Variants in DRC8 observed in about 807,000 individuals in gnomAD.
DRC8 encodes the protein dynein regulatory complex protein 8.
the DRC8 span, among the ~76,000 whole-genome samples, chr1:245,080,199 A>T: frequency 1.3e-5 from 2 of 152,112 alleles, no homozygotes; most frequent in Non-Finnish European, 2.9e-5. Flanking sequence ...CTGAATTGGG[A>T]TCTTTGAGCC....
chr1:245,114,898 G>A, the DRC8 span, among the ~76,000 whole-genome samples: 1 of 151,794 alleles, frequency 6.6e-6, no homozygotes, highest in Non-Finnish European at 1.5e-5. Flanking sequence ...ACTAATTTTT[G>A]TATTTTTAGT....
the DRC8 span, among the ~76,000 whole-genome samples, chr1:245,071,469 A>G: frequency 6.6e-6 from 1 of 152,234 alleles, no homozygotes; most frequent in Non-Finnish European, 1.5e-5. Flanking sequence ...TTGCTATAAC[A>G]TGGCAAGGAA....
the DRC8 span, among the ~76,000 whole-genome samples, chr1:245,072,317 C>T: frequency 2.0e-5 from 3 of 152,092 alleles, no homozygotes; most frequent in Admixed American, 6.5e-5. Context: ...GACAGGGTCT[C>T]ACTCTGTCAC....
At chr1:245,049,049 G>A in the DRC8 span, among the ~76,000 whole-genome samples, 3 of 150,252 alleles carry the variant, frequency 2.0e-5, no homozygotes, top group Non-Finnish European at 4.4e-5. The surrounding 1 kb of genome is among the most constrained non-coding windows in gnomAD (Gnocchi z 4.5). Flanking sequence ...GCAGTAGCTC[G>A]ATCTCGACTC....
chr1:245,083,748 A>G, the DRC8 span: 1 of 1,546,818 alleles, frequency 6.5e-7, no homozygotes, highest in Non-Finnish European at 8.7e-7. Flanking sequence ...ATTTGTTAAC[A>G]GTTATGCGAA....
the DRC8 span, among the ~76,000 whole-genome samples, chr1:245,019,233 A>T: frequency 3.9e-5 from 6 of 152,166 alleles, no homozygotes; most frequent in African/African-American, 1.4e-4. Context: ...GAAAATTGTT[A>T]TTGTTTTTAG....
chr1:245,122,885 A>G, the DRC8 span: 1 of 152,182 alleles, frequency 6.6e-6, no homozygotes, highest in East Asian at 1.9e-4. Flanking sequence ...CCCATGTCCA[A>G]TAGCAGTTCC....
the DRC8 span, among the ~76,000 whole-genome samples, chr1:245,055,938 A>C: frequency 6.6e-6 from 1 of 152,200 alleles, no homozygotes; most frequent in Non-Finnish European, 1.5e-5. Flanking sequence ...TGTGCTGCCC[A>C]GGTGGAGTGC....
chr1:244,969,895 G>A, the DRC8 span: 1 of 455,742 alleles, frequency 2.2e-6, no homozygotes, highest in Non-Finnish European at 3.8e-6. Flanking sequence ...ATGGGAAGCG[G>A]GAGGAGGAGG....
the DRC8 span, chr1:245,017,119 A>G: frequency 3.3e-6 from 3 of 895,580 alleles, no homozygotes; most frequent in South Asian, 4.1e-5. Flanking sequence ...TAAATGATAC[A>G]TAAATATAAG....
the DRC8 span, among the ~76,000 whole-genome samples, chr1:245,009,260 C>T: frequency 6.6e-6 from 1 of 151,778 alleles, no homozygotes; most frequent in African/African-American, 2.4e-5. Context: ...GTCTCGAACT[C>T]CTGACCTTGT....
At chr1:245,049,410 T>G in the DRC8 span, among the ~76,000 whole-genome samples, 1 of 152,200 alleles carries the variant, frequency 6.6e-6, no homozygotes, top group Non-Finnish European at 1.5e-5. The surrounding 1 kb of genome is among the most constrained non-coding windows in gnomAD (Gnocchi z 4.5). Context: ...TTCCTCTGCT[T>G]CTTGCAGGTG....
chr1:245,011,234 A>G, the DRC8 span, among the ~76,000 whole-genome samples: 1 of 152,194 alleles, frequency 6.6e-6, no homozygotes, highest in Admixed American at 6.5e-5. Flanking sequence ...AAATATCACT[A>G]TGTCAGCCAC....
At chr1:244,974,534 T>C in the DRC8 span, among the ~76,000 whole-genome samples, 1 of 152,252 alleles carries the variant, frequency 6.6e-6, no homozygotes, top group African/African-American at 2.4e-5. Context: ...TGTTGTTTTG[T>C]TTCTGATTTC....
chr1:245,001,463 C>T, the DRC8 span, among the ~76,000 whole-genome samples: 1 of 152,164 alleles, frequency 6.6e-6, no homozygotes, highest in Non-Finnish European at 1.5e-5. Flanking sequence ...GTCAGAGTTT[C>T]CAGGGGCAGA....
the DRC8 span, among the ~76,000 whole-genome samples, chr1:245,043,451 A>C: frequency 1.3e-3 from 194 of 152,122 alleles, 6 homozygotes; most frequent in Admixed American, 2.6e-3. Flanking sequence ...AAAAAAAAGA[A>C]AGAAAGAAAA....
the DRC8 span, among the ~76,000 whole-genome samples, chr1:244,992,473 T>G: frequency 6.6e-6 from 1 of 152,214 alleles, no homozygotes; most frequent in African/African-American, 2.4e-5. Flanking sequence ...GCGCAGTGGC[T>G]CACTCCTATA....
chr1:245,055,295 A>G, the DRC8 span, among the ~76,000 whole-genome samples: 1 of 152,038 alleles, frequency 6.6e-6, no homozygotes, highest in South Asian at 2.1e-4. Flanking sequence ...CTTTTTAAAA[A>G]TTTATTTTTA....
the DRC8 span, among the ~76,000 whole-genome samples, chr1:245,079,913 C>T: frequency 6.6e-6 from 1 of 152,184 alleles, no homozygotes; most frequent in Non-Finnish European, 1.5e-5. Context: ...GAACATTCAC[C>T]TGCAAAATGC....
Sources: allele counts gnomAD v4.1 joint callset (sites outside exome capture counted in the v4.1 genomes callset), GRCh38; gene constraint gnomAD v4.1.1; non-coding constraint Gnocchi (gnomAD v3.1); transcripts MANE v1.5; gene names NCBI Gene and HGNC (gene_info 2026-07-23, HGNC 2026-07-21).